CNTN5: variants seen among roughly 807,000 people sequenced by gnomAD.
The protein encoded by CNTN5 is contactin-5.
A neutral mutation model predicts 129.1 loss-of-function variants in CNTN5; 77 were observed. The ratio of observed to expected loss-of-function variants is 0.60; its 90% CI spans 0.50 to 0.72. The LOEUF (loss-of-function observed/expected upper bound fraction) is 0.72. Ranked by LOEUF, CNTN5 falls within the 30% of genes least tolerant of loss-of-function variation. CNTN5 has a pLI of 0.00. For synonymous variants in CNTN5, 509 were observed against 465.6 expected, an observed-to-expected ratio of 1.09 and a Z score of -1.20; for missense variants, 1,478 against 1,328.8, an observed-to-expected ratio of 1.11 and a Z score of -1.75.
chr11:99,986,539 T>G (rs909958070), intron 8 of CNTN5, among the ~76,000 whole-genome samples: 1 of 152,196 alleles, frequency 6.6e-6, no homozygotes, highest in African/African-American at 2.4e-5. Flanking sequence ...TCTGCAATTA[T>G]TTACCCTCTC....
intron 2 of CNTN5, among the ~76,000 whole-genome samples, chr11:99,535,383 T>G (rs1250039301): frequency 6.6e-6 from 1 of 152,144 alleles, no homozygotes; most frequent in African/African-American, 2.4e-5. Flanking sequence ...ATATCCAAAT[T>G]TACGTTTAGC....
intron 2 of CNTN5, among the ~76,000 whole-genome samples, chr11:99,380,552 C>T (rs1940480947): frequency 6.6e-6 from 1 of 151,978 alleles, no homozygotes; most frequent in African/African-American, 2.4e-5. Flanking sequence ...GGTGGATCAT[C>T]TGAGGTCAGA....
At chr11:99,738,153 C>T (rs1325436126) in intron 3 of CNTN5, among the ~76,000 whole-genome samples, 1 of 152,060 alleles carries the variant, frequency 6.6e-6, no homozygotes, top group African/African-American at 2.4e-5. Context: ...ATCTTAACCC[C>T]AAGTACCTCA....
intron 1 of CNTN5, among the ~76,000 whole-genome samples, chr11:99,142,880 T>TTCA (rs1209419610): frequency 6.6e-6 from 1 of 152,100 alleles, no homozygotes; most frequent in Non-Finnish European, 1.5e-5. Flanking sequence ...GACTGAGCCA[T>TTCA]TCATGTCTAT....
intron 16 of CNTN5, among the ~76,000 whole-genome samples, chr11:100,254,598 C>T (rs537123891): frequency 4.6e-5 from 7 of 152,186 alleles, no homozygotes; most frequent in East Asian, 1.9e-4. Context: ...AAAAAAAGTT[C>T]GTTCCTTATT....
intron 3 of CNTN5, among the ~76,000 whole-genome samples, chr11:99,763,089 A>G (rs922260185): frequency 6.6e-6 from 1 of 152,040 alleles, no homozygotes; most frequent in African/African-American, 2.4e-5. Flanking sequence ...ATCAAAACAT[A>G]ACACATTTTC....
intron 3 of CNTN5, among the ~76,000 whole-genome samples, chr11:99,577,894 T>A (rs1367529709): frequency 1.3e-5 from 2 of 151,800 alleles, no homozygotes; most frequent in Non-Finnish European, 2.9e-5. Context: ...TTGTTACATA[T>A]GTATACATGT....
chr11:99,133,917 A>G (rs1297511578), intron 1 of CNTN5, among the ~76,000 whole-genome samples: 1 of 152,216 alleles, frequency 6.6e-6, no homozygotes, highest in Non-Finnish European at 1.5e-5. Context: ...GTATATACGC[A>G]AAGGAATATA....
At chr11:99,276,566 TA>T (rs1360320493) in intron 1 of CNTN5, among the ~76,000 whole-genome samples, 1 of 151,520 alleles carries the variant, frequency 6.6e-6, no homozygotes, top group South Asian at 2.1e-4. Flanking sequence ...ATTTACCTTA[TA>T]AAGTTATGAG....
chr11:100,131,673 G>A (rs1458725311), intron 13 of CNTN5, among the ~76,000 whole-genome samples: 1 of 152,010 alleles, frequency 6.6e-6, no homozygotes, highest in Non-Finnish European at 1.5e-5. Context: ...GAGGTAGGCG[G>A]GGAGAACAAA....
chr11:100,029,500 G>T (rs928074776), intron 9 of CNTN5, among the ~76,000 whole-genome samples: 3 of 151,948 alleles, frequency 2.0e-5, no homozygotes, highest in Admixed American at 2.0e-4. Flanking sequence ...GGAGAATGGC[G>T]TGAACCCAGG....
chr11:100,174,446 C>A (rs1044013234), intron 13 of CNTN5, among the ~76,000 whole-genome samples: 6 of 152,028 alleles, frequency 3.9e-5, no homozygotes, highest in Non-Finnish European at 8.8e-5. Context: ...AATCTAAGGG[C>A]AACTATATAC....
At chr11:100,044,638 T>G (rs928762832) in intron 9 of CNTN5, among the ~76,000 whole-genome samples, 1 of 152,110 alleles carries the variant, frequency 6.6e-6, no homozygotes, top group East Asian at 1.9e-4. Context: ...TTTTGAAAAA[T>G]GTCTATGCAT....
intron 8 of CNTN5, among the ~76,000 whole-genome samples, chr11:99,971,495 A>G (rs946310624): frequency 1.3e-5 from 2 of 151,882 alleles, no homozygotes; most frequent in African/African-American, 2.4e-5. Context: ...GTGAGCTGAG[A>G]TCGTGCCACT....
chr11:100,001,459 C>A (rs1377278570), intron 8 of CNTN5, among the ~76,000 whole-genome samples: 1 of 152,256 alleles, frequency 6.6e-6, no homozygotes, highest in African/African-American at 2.4e-5. Flanking sequence ...ATACTTAATA[C>A]CTCATTCATG....
At chr11:99,779,700 T>C (rs148681927) in intron 3 of CNTN5, among the ~76,000 whole-genome samples, 2 of 152,154 alleles carry the variant, frequency 1.3e-5, no homozygotes, top group Non-Finnish European at 2.9e-5. Flanking sequence ...AAAGAATAAG[T>C]AACTTAAAAA....
chr11:99,801,620 T>C (rs1946116042), intron 3 of CNTN5, among the ~76,000 whole-genome samples: 1 of 100,824 alleles, frequency 9.9e-6, no homozygotes, highest in African/African-American at 3.1e-5. Flanking sequence ...TTGACAACTT[T>C]TTTTAACTCT....
At chr11:99,591,484 C>T (rs1419653424) in intron 3 of CNTN5, among the ~76,000 whole-genome samples, 2 of 151,652 alleles carry the variant, frequency 1.3e-5, no homozygotes, top group East Asian at 3.9e-4. Context: ...ACTACAGGCG[C>T]GTGCCACCAT....
At chr11:99,201,024 T>G (rs922097350) in intron 1 of CNTN5, among the ~76,000 whole-genome samples, 2 of 100,044 alleles carry the variant, frequency 2.0e-5, no homozygotes, top group African/African-American at 7.1e-5. Context: ...CTTCCTTCCT[T>G]TTTTTTTTTT....
Sources: allele counts gnomAD v4.1 joint callset (sites outside exome capture counted in the v4.1 genomes callset), GRCh38; gene constraint gnomAD v4.1.1; transcripts MANE v1.5; gene names NCBI Gene and HGNC (gene_info 2026-07-23, HGNC 2026-07-21).